Variants in NDE1 observed in about 807,000 individuals in gnomAD.
NDE1 encodes the protein nudE neurodevelopment protein 1.
NDE1 carries 28 observed loss-of-function variants against 43.4 expected under a neutral mutation model. The ratio of observed to expected loss-of-function variants is 0.65; its 90% confidence interval spans 0.48 to 0.89. NDE1 has a LOEUF of 0.89. Ranked by LOEUF, NDE1 falls within the 40% of genes least tolerant of loss-of-function variation. The probability of loss-of-function intolerance (pLI) is 0.00; values close to 1 mark genes in which losing one functional copy is unlikely to be tolerated. For synonymous variants in NDE1, 184 were observed against 172.0 expected, an observed-to-expected ratio of 1.07 and a Z score of -0.55; for missense variants, 441 against 434.1, an observed-to-expected ratio of 1.02 and a Z score of -0.14.
At chr16:15,658,367 G>T (rs1367436849) in intron 1 of NDE1, among the ~76,000 whole-genome samples, 2 of 152,362 alleles carry the variant, frequency 1.3e-5, no homozygotes, top group East Asian at 1.9e-4. Context: ...CACTGGCTGA[G>T]CATGGGGGTT....
chr16:15,711,413 AG>A (rs1324529518), intron 8 of NDE1: 3 of 152,194 alleles, frequency 2.0e-5, no homozygotes, highest in African/African-American at 7.2e-5. Flanking sequence ...TTGGTGATCA[AG>A]TTGTGGCCAC....
chr16:15,695,422 T>G (rs1348172491), intron 7 of NDE1: 2 of 870,140 alleles, frequency 2.3e-6, no homozygotes, highest in African/African-American at 3.7e-5. Context: ...GCAGGAAAAT[T>G]GTTTGAATCC....
chr16:15,667,933 T>C (rs2037400900), intron 3 of NDE1, among the ~76,000 whole-genome samples: 1 of 151,726 alleles, frequency 6.6e-6, no homozygotes, highest in South Asian at 2.1e-4. Context: ...TTCTTGGTTG[T>C]GTACACTGAT....
intron 8 of NDE1, among the ~76,000 whole-genome samples, chr16:15,706,987 C>G (rs2039490586): frequency 6.6e-6 from 1 of 152,148 alleles, no homozygotes; most frequent in South Asian, 2.1e-4. Context: ...ATACCTGTTA[C>G]AGGAACTAAG....
chr16:15,652,158 A>G (rs1331894136), intron 1 of NDE1: 1 of 152,278 alleles, frequency 6.6e-6, no homozygotes. Context: ...TCAGCCTCCC[A>G]AAGTGTTGGG....
chr16:15,716,843 A>G (rs1825751242), intron 8 of NDE1, among the ~76,000 whole-genome samples: 3 of 152,164 alleles, frequency 2.0e-5, no homozygotes, highest in African/African-American at 4.8e-5. Context: ...TCAGCATGCT[A>G]TCCCTGCAGA....
intron 8 of NDE1, chr16:15,717,710 C>A (rs1483467389): frequency 5.7e-6 from 2 of 352,798 alleles, no homozygotes; most frequent in Non-Finnish European, 1.1e-5. Flanking sequence ...GCAGGAGAAT[C>A]CCTTGAACTT....
chr16:15,644,168 A>G (rs1264994972), intron 1 of NDE1, among the ~76,000 whole-genome samples: 1 of 152,258 alleles, frequency 6.6e-6, no homozygotes, highest in Non-Finnish European at 1.5e-5. Context: ...GCTAGCTGCT[A>G]GCTAAATGCT....
rs58046044 is a variant in NDE1, at chr16:15,656,519, TTTA to T, written c.-44+6247_-44+6249del. On this transcript the variant is annotated intron_variant, in intron 1 of 8. Coordinates refer to ENST00000396354, the MANE Select transcript of NDE1 (RefSeq NM_017668.3). ...ACAGTGTTTTAAGAGGCTCTTTTCT[TTTA>T]TTATTATTATTATTATTATTACTCT... 6.0e-4 allele frequency among the ~76,000 whole-genome samples: 90 copies of T among 151,114 alleles called. 1 individual carries two copies. Among genetic ancestry groups the T allele is most frequent in the Non-Finnish European group, 5.2e-4 (35 of 67,840 alleles).
At chr16:15,721,273 A>G in intron 8 of NDE1, 1 of 1,030,462 alleles carries the variant, frequency 9.7e-7, no homozygotes, top group Admixed American at 2.0e-5. Context: ...AGCCCCTCCC[A>G]GCCCCTGCAC....
At chr16:15,687,691 G>C (rs2038510560) in intron 5 of NDE1, among the ~76,000 whole-genome samples, 180 bp downstream of exon 5, 1 of 152,230 alleles carries the variant, frequency 6.6e-6, no homozygotes, top group South Asian at 2.1e-4. Flanking sequence ...GGCCCTGGCT[G>C]GAGCTGAGAA....
chr16:15,655,831 G>T (rs2151405678), intron 1 of NDE1, among the ~76,000 whole-genome samples: 1 of 151,918 alleles, frequency 6.6e-6, no homozygotes, highest in African/African-American at 2.4e-5. Flanking sequence ...CCTTTGTAGG[G>T]ACATGGATGA....
intron 8 of NDE1, among the ~76,000 whole-genome samples, chr16:15,698,673 C>A (rs1440528011): frequency 2.0e-5 from 3 of 151,914 alleles, no homozygotes; most frequent in Non-Finnish European, 2.9e-5. Context: ...CCAAACTGGG[C>A]AACATGGTGA....
intron 8 of NDE1, chr16:15,708,741 A>G: frequency 1.7e-5 from 26 of 1,548,626 alleles, no homozygotes; most frequent in East Asian, 2.3e-5. Flanking sequence ...AGAGGGGCGC[A>G]TTGGGCAGAA....
At chr16:15,656,493 AAC>A (rs1359740644) in intron 1 of NDE1, among the ~76,000 whole-genome samples, 2 of 152,024 alleles carry the variant, frequency 1.3e-5, no homozygotes, top group Non-Finnish European at 2.9e-5. Flanking sequence ...TGGCCAAGAT[AAC>A]AGTGTTTTAA....
intron 1 of NDE1, among the ~76,000 whole-genome samples, chr16:15,652,866 A>C (rs1048899598): frequency 2.0e-5 from 3 of 151,362 alleles, no homozygotes; most frequent in East Asian, 2.0e-4. Flanking sequence ...GGGTCTCACT[A>C]TGTTGCCCAG....
At chr16:15,719,184 T>C (rs1280492969) in intron 8 of NDE1, 1 of 1,599,888 alleles carries the variant, frequency 6.3e-7, no homozygotes, top group Admixed American at 1.7e-5. Flanking sequence ...CCCCATCCTC[T>C]GCTTCAGAGC....
chr16:15,725,680 T>C lies in NDE1; in HGVS notation c.*1429T>C, dbSNP rs909466161. The C allele has an allele frequency of 5.0e-6, 2 of 398,832 alleles. No individual in the cohort carries two copies. The highest frequency in any genetic ancestry group is 2.1e-5 in the African/African-American group (1 of 48,600). 24.7% of individuals were successfully genotyped at this position (398,832 alleles called of 1,614,324 possible). A position where few individuals can be genotyped will look rare whatever the true frequency, so the allele number is the denominator to read the frequency against. Reference sequence around the variant, plus strand: ...CTCAACTGCATGTGAGAAAAAAACATCTCACTTAATTCTTCCCTCGCCCCT... The same window carrying C: ...CTCAACTGCATGTGAGAAAAAAACACCTCACTTAATTCTTCCCTCGCCCCT... On this transcript the variant is annotated 3_prime_UTR_variant, in exon 9 of 9. Coordinates refer to ENST00000396354, the MANE Select transcript of NDE1 (RefSeq NM_017668.3).
Position 15,725,572 on chromosome 16 carries a change from G to C in NDE1, c.*1321G>C, listed in dbSNP as rs2040712946. 2 of 406,560 alleles carry C rather than the reference G, an allele frequency of 4.9e-6. No individual in the cohort carries two copies. The highest frequency in any genetic ancestry group is 8.1e-5 in the Admixed American group (2 of 24,696). The allele number at this position is 406,560 out of a possible 1,614,324, so 25.2% of individuals were successfully genotyped here. ...TGCATAAGTCCCTTTGAGGCTGTTA[G>C]CCTACCCCTCCATCTCTTCCATTGA... On this transcript the variant is annotated 3_prime_UTR_variant, in exon 9 of 9. Transcript: ENST00000396354.
Sources: gnomAD v4.1 joint callset for allele counts (sites outside exome capture counted in the v4.1 genomes callset) on GRCh38, gnomAD v4.1.1 for gene constraint, MANE v1.5 for transcripts, NCBI Gene and HGNC (gene_info 2026-07-23, HGNC 2026-07-21) for gene names.